Variants in EFNA5 observed in about 807,000 individuals in gnomAD.
EFNA5 encodes the protein ephrin-A5.
Under a neutral mutation model 22.9 loss-of-function variants are expected in EFNA5, and 5 were observed. The ratio of observed to expected loss-of-function variants is 0.22; its 90% CI spans 0.11 to 0.46. The LOEUF (loss-of-function observed/expected upper bound fraction) is 0.46, where lower values mean the gene tolerates loss of function less well. Among genes scored for constraint, EFNA5 ranks in the 20% least tolerant of loss-of-function variants. The pLI is 0.99. For missense variants in EFNA5, 237 were observed against 293.3 expected (o/e 0.81, Z 1.40); for synonymous variants, 113 against 112.2 (o/e 1.01, Z -0.04).
chr5:107,619,741 C>T (rs1454447330), intron 1 of EFNA5, among the ~76,000 whole-genome samples: 2 of 152,144 alleles, frequency 1.3e-5, no homozygotes, highest in Non-Finnish European at 2.9e-5. Context: ...GGATTACAGG[C>T]ATGAGCCACC....
At chr5:107,549,149 C>T (rs1376635029) in intron 1 of EFNA5, among the ~76,000 whole-genome samples, 2 of 152,104 alleles carry the variant, frequency 1.3e-5, no homozygotes, top group East Asian at 3.9e-4. Context: ...GGTCCTGACA[C>T]ATTTCAGAGT....
At chr5:107,589,397 G>C (rs1472071725) in intron 1 of EFNA5, among the ~76,000 whole-genome samples, 1 of 152,050 alleles carries the variant, frequency 6.6e-6, no homozygotes, top group Non-Finnish European at 1.5e-5. Flanking sequence ...GGGGGAAAAG[G>C]TATAATCAAG....
At chr5:107,403,815 A>G (rs1748147607) in intron 2 of EFNA5, among the ~76,000 whole-genome samples, 2 of 152,220 alleles carry the variant, frequency 1.3e-5, no homozygotes, top group Admixed American at 1.3e-4. Flanking sequence ...GCATCTGTAA[A>G]CATTCCCTTG....
chr5:107,542,138 G>C (rs1748061777), intron 1 of EFNA5, among the ~76,000 whole-genome samples: 1 of 151,998 alleles, frequency 6.6e-6, no homozygotes, highest in South Asian at 2.1e-4. Context: ...TGAGACAATG[G>C]GGCCACACTT....
chr5:107,607,210 C>A (rs1446713154), intron 1 of EFNA5, among the ~76,000 whole-genome samples: 1 of 152,146 alleles, frequency 6.6e-6, no homozygotes, highest in Non-Finnish European at 1.5e-5. Flanking sequence ...ATTTCTGAAC[C>A]AGACTGCTAT....
chr5:107,449,276 CA>C (rs1355481481), intron 1 of EFNA5, among the ~76,000 whole-genome samples: 1 of 151,692 alleles, frequency 6.6e-6, no homozygotes, highest in Non-Finnish European at 1.5e-5. Flanking sequence ...CTAAAGCTGG[CA>C]GAGTGTCCAA....
intron 1 of EFNA5, among the ~76,000 whole-genome samples, chr5:107,459,121 TA>T (rs1476363595): frequency 6.6e-6 from 1 of 152,116 alleles, no homozygotes; most frequent in African/African-American, 2.4e-5. Flanking sequence ...AATTGGAGGC[TA>T]CTGGCTCACG....
chr5:107,636,795 C>T (rs1432209457), intron 1 of EFNA5, among the ~76,000 whole-genome samples: 2 of 151,616 alleles, frequency 1.3e-5, no homozygotes, highest in Admixed American at 6.6e-5. Flanking sequence ...AAACATGGTC[C>T]CATAATAACC....
intron 1 of EFNA5, among the ~76,000 whole-genome samples, chr5:107,639,197 G>T (rs79465381): frequency 8.5e-5 from 13 of 152,114 alleles, no homozygotes; most frequent in Non-Finnish European, 1.9e-4. Flanking sequence ...AAAATGGGGG[G>T]TTATTATTTA....
chr5:107,477,604 A>G (rs1185809822), intron 1 of EFNA5, among the ~76,000 whole-genome samples: 1 of 152,046 alleles, frequency 6.6e-6, no homozygotes, highest in Non-Finnish European at 1.5e-5. Flanking sequence ...TTATTTCTCT[A>G]TATAACCCTT....
intron 2 of EFNA5, among the ~76,000 whole-genome samples, chr5:107,399,885 A>C (rs1350280140): frequency 6.6e-6 from 1 of 152,208 alleles, no homozygotes; most frequent in Non-Finnish European, 1.5e-5. Context: ...ACTTTGGCCA[A>C]CTTGAGTAAC....
At chr5:107,436,045 T>C (rs1749101193) in intron 1 of EFNA5, among the ~76,000 whole-genome samples, 1 of 152,212 alleles carries the variant, frequency 6.6e-6, no homozygotes, top group South Asian at 2.1e-4. Flanking sequence ...AATCCCACAA[T>C]ACTAATTACT....
At chr5:107,633,291 G>A (rs1404424485) in intron 1 of EFNA5, among the ~76,000 whole-genome samples, 1 of 152,192 alleles carries the variant, frequency 6.6e-6, no homozygotes, top group Non-Finnish European at 1.5e-5. Flanking sequence ...CTACTCAAGA[G>A]CCAGGATGAG....
intron 1 of EFNA5, among the ~76,000 whole-genome samples, chr5:107,479,790 G>A (rs1298826660): frequency 2.0e-5 from 3 of 152,272 alleles, no homozygotes; most frequent in African/African-American, 4.8e-5. Flanking sequence ...ACATCCTGAT[G>A]AAAAAGAATC....
At chr5:107,402,226 C>T (rs887026444) in intron 2 of EFNA5, among the ~76,000 whole-genome samples, 4 of 152,044 alleles carry the variant, frequency 2.6e-5, no homozygotes, top group South Asian at 2.1e-4. Flanking sequence ...TAGAAAAGAG[C>T]GATGAAGATG....
intron 1 of EFNA5, among the ~76,000 whole-genome samples, chr5:107,659,983 T>C (rs1218407579): frequency 1.3e-5 from 2 of 151,892 alleles, no homozygotes; most frequent in Non-Finnish European, 2.9e-5. Flanking sequence ...GGTGTACATA[T>C]TCTTATGGAA....
At chr5:107,485,587 C>T (rs1393450227) in intron 1 of EFNA5, among the ~76,000 whole-genome samples, 1 of 152,146 alleles carries the variant, frequency 6.6e-6, no homozygotes, top group East Asian at 1.9e-4. Context: ...ATAATTATTG[C>T]CATACCTACT....
chr5:107,431,488 A>G (rs970786834), intron 1 of EFNA5, among the ~76,000 whole-genome samples: 1 of 152,222 alleles, frequency 6.6e-6, no homozygotes, highest in African/African-American at 2.4e-5. Flanking sequence ...AATCTCTATT[A>G]CGATGCCACG....
At chr5:107,442,824 C>T (rs1457048316) in intron 1 of EFNA5, among the ~76,000 whole-genome samples, 8 of 148,774 alleles carry the variant, frequency 5.4e-5, no homozygotes, top group Middle Eastern at 3.6e-3. Context: ...ATCAAAACAA[C>T]GCTGACAAAT....
Sources: gnomAD v4.1 joint callset for allele counts (sites outside exome capture counted in the v4.1 genomes callset) on GRCh38, gnomAD v4.1.1 for gene constraint, MANE v1.5 for transcripts, NCBI Gene and HGNC (gene_info 2026-07-23, HGNC 2026-07-21) for gene names.